The following OPHN1 variants were observed in gnomAD, a reference collection of about 807,000 sequenced individuals.
OPHN1 encodes the protein oligophrenin-1.
OPHN1 carries 11 observed loss-of-function variants against 60.7 expected under a neutral mutation model. The observed-to-expected ratio is 0.18, with a 90% CI of 0.11 to 0.30. The LOEUF (loss-of-function observed/expected upper bound fraction) is 0.30, where lower values mean the gene tolerates loss of function less well. Among genes scored for constraint, OPHN1 ranks in the 10% least tolerant of loss-of-function variants. The pLI is 1.00. For missense variants in OPHN1, 449 were observed against 611.0 expected, an observed-to-expected ratio of 0.73 and a Z score of 2.80; for synonymous variants, 226 against 222.6, an observed-to-expected ratio of 1.02 and a Z score of -0.14.
Position 68,362,441 on chromosome X carries a change from T to C in OPHN1, c.155-63345A>G, listed in dbSNP as rs140054108. Among the ~76,000 whole-genome samples, 413 of 112,121 alleles carry C rather than the reference T, an allele frequency of 3.7e-3. No individual in the cohort carries two copies. In the Middle Eastern group the frequency reaches 0.056, roughly 15 times the overall value. The stretch of plus-strand genomic sequence containing the variant: ...AGGAGGAATGAGTTCAAGAGATCCA[T>C]TGTCAAGCATGTGATTATAGATAAT... On this transcript the variant is annotated intron_variant, in intron 2 of 24. Coordinates refer to ENST00000355520, the MANE Select transcript of OPHN1 (RefSeq NM_002547.3).
intron 21 of OPHN1, among the ~76,000 whole-genome samples, chrX:68,057,350 G>C (rs185216634): frequency 8.9e-6 from 1 of 111,816 alleles, no homozygotes; most frequent in African/African-American, 3.2e-5. Context: ...ATATGATGTT[G>C]CTTCCTCACT....
chrX:68,162,004 T>C (rs970873053), intron 15 of OPHN1, among the ~76,000 whole-genome samples: 2 of 111,369 alleles, frequency 1.8e-5, no homozygotes, highest in African/African-American at 3.2e-5. Context: ...ACTTATATAA[T>C]GTTCAACAAC....
At chrX:68,372,038 C>A (rs2078532062) in intron 2 of OPHN1, among the ~76,000 whole-genome samples, 1 of 112,604 alleles carries the variant, frequency 8.9e-6, no homozygotes, top group South Asian at 3.6e-4. Context: ...AGCCACCATG[C>A]CCACCCATGT....
chrX:68,052,243 T>C (rs1349354210), intron 23 of OPHN1, among the ~76,000 whole-genome samples: 2 of 103,211 alleles, frequency 1.9e-5, no homozygotes, highest in African/African-American at 7.3e-5. Context: ...TGAGCCAAGA[T>C]CGTGCCACTG....
chrX:68,240,146 G>T (rs2077773812), intron 5 of OPHN1, among the ~76,000 whole-genome samples: 1 of 112,323 alleles, frequency 8.9e-6, no homozygotes, highest in Admixed American at 9.4e-5. Context: ...GGGCTCTCCA[G>T]TACTGGGTTA....
At chrX:68,355,894 G>T (rs954090881) in intron 2 of OPHN1, among the ~76,000 whole-genome samples, 3 of 110,754 alleles carry the variant, frequency 2.7e-5, no homozygotes, top group South Asian at 7.8e-4. Flanking sequence ...ATAAATAAAA[G>T]AATTAGCTGG....
At chrX:68,219,623 A>G (rs1437523430) in intron 6 of OPHN1, among the ~76,000 whole-genome samples, 1 of 111,567 alleles carries the variant, frequency 9.0e-6, no homozygotes. Context: ...AGGATTACGA[A>G]TCTCACTCAA....
chrX:68,077,519 C>A, intron 19 of OPHN1, among the ~76,000 whole-genome samples: 1 of 112,092 alleles, frequency 8.9e-6, no homozygotes, highest in East Asian at 2.8e-4. Flanking sequence ...TTTGTAAGAA[C>A]TGAGGTGGAA....
intron 6 of OPHN1, among the ~76,000 whole-genome samples, chrX:68,219,312 C>A (rs2147496434): frequency 1.2e-5 from 1 of 85,077 alleles, no homozygotes; most frequent in African/African-American, 4.4e-5. Context: ...GAGACTTAGA[C>A]TCCCACACAT....
intron 2 of OPHN1, among the ~76,000 whole-genome samples, chrX:68,338,828 A>G (rs775580446): frequency 3.6e-5 from 4 of 110,929 alleles, no homozygotes; most frequent in African/African-American, 9.8e-5. Flanking sequence ...TAATCCCAAC[A>G]TTCTGGGAGG....
chrX:68,195,749 C>T (rs2077510393), intron 12 of OPHN1, among the ~76,000 whole-genome samples: 1 of 111,736 alleles, frequency 8.9e-6, no homozygotes, highest in Admixed American at 9.6e-5. Flanking sequence ...TGTGTATGCC[C>T]ACAGATATTT....
At chrX:68,113,471 GA>G (rs1294007242) in intron 16 of OPHN1, among the ~76,000 whole-genome samples, 1 of 111,524 alleles carries the variant, frequency 9.0e-6, no homozygotes, top group Admixed American at 9.5e-5. Flanking sequence ...CTAGCTCCCA[GA>G]AGTAAAAAGA....
intron 10 of OPHN1, among the ~76,000 whole-genome samples, chrX:68,204,055 C>T (rs1017625927): frequency 2.7e-5 from 3 of 112,551 alleles, no homozygotes; most frequent in African/African-American, 9.7e-5. Context: ...TTATGAACTA[C>T]TTTATCATCC....
chrX:68,354,452 CAAAAAAA>C (rs1172935913), intron 2 of OPHN1, among the ~76,000 whole-genome samples: 3 of 24,844 alleles, frequency 1.2e-4, no homozygotes, highest in Non-Finnish European at 2.2e-4. Context: ...GACTCCATCT[CAAAAAAA>C]AAAAAAAAAA....
intron 2 of OPHN1, among the ~76,000 whole-genome samples, chrX:68,413,400 G>A (rs993967457): frequency 1.8e-5 from 2 of 110,907 alleles, no homozygotes; most frequent in African/African-American, 6.5e-5. Context: ...CAAAGATACA[G>A]TGCTGGAAAA....
intron 5 of OPHN1, among the ~76,000 whole-genome samples, chrX:68,241,079 C>T (rs2077778216): frequency 9.0e-6 from 1 of 111,422 alleles, no homozygotes; most frequent in African/African-American, 3.3e-5. Context: ...GATATAGAAT[C>T]TTTTGAATTT....
At chrX:68,385,386 C>A (rs1008756889) in intron 2 of OPHN1, among the ~76,000 whole-genome samples, 15 of 111,522 alleles carry the variant, frequency 1.3e-4, no homozygotes, top group Non-Finnish European at 2.1e-4. Flanking sequence ...CTGTCCAATG[C>A]CAAAAGCATA....
At chrX:68,371,402 A>G (rs1327152980) in intron 2 of OPHN1, among the ~76,000 whole-genome samples, 1 of 109,369 alleles carries the variant, frequency 9.1e-6, no homozygotes, top group Non-Finnish European at 1.9e-5. Flanking sequence ...GTTTTTTTAT[A>G]GAGACCGAGT....
At chrX:68,180,616 T>G (rs1378071736) in intron 15 of OPHN1, among the ~76,000 whole-genome samples, 1 of 111,749 alleles carries the variant, frequency 8.9e-6, no homozygotes, top group African/African-American at 3.3e-5. Flanking sequence ...AAGTGTGCCA[T>G]GAACATACAG....
Sources: allele counts gnomAD v4.1 joint callset (sites outside exome capture counted in the v4.1 genomes callset), GRCh38; gene constraint gnomAD v4.1.1; transcripts MANE v1.5; gene names NCBI Gene and HGNC (gene_info 2026-07-23, HGNC 2026-07-21).